RNF40: variants seen among roughly 807,000 people sequenced by gnomAD.
RNF40 encodes the protein E3 ubiquitin-protein ligase BRE1B.
In RNF40, 39 loss-of-function variants were observed where a neutral mutation model predicts 123.3. The observed-to-expected ratio is 0.32, with a 90% confidence interval of 0.24 to 0.41. RNF40 has a LOEUF of 0.41. Ranked by LOEUF, RNF40 falls within the 10% of genes least tolerant of loss-of-function variation. The probability of loss-of-function intolerance (pLI) is 1.00; values close to 1 mark genes in which losing one functional copy is unlikely to be tolerated. For missense variants in RNF40, 1,003 were observed against 1,319.9 expected, an observed-to-expected ratio of 0.76 and a Z score of 3.72; for synonymous variants, 538 against 526.0, an observed-to-expected ratio of 1.02 and a Z score of -0.31.
chr16:30,771,978 G>C lies in RNF40; in HGVS notation c.2727+5G>C. The C allele has an allele frequency of 6.3e-7, 1 of 1,589,944 alleles. No individual in the cohort carries two copies. The highest frequency in any genetic ancestry group is 8.6e-7 in the Non-Finnish European group (1 of 1,164,440). On this transcript the variant is annotated splice_donor_5th_base_variant and intron_variant, in intron 18 of 19. Coordinates refer to ENST00000324685, the MANE Select transcript of RNF40 (RefSeq NM_014771.4). ...TTCAACCTCAAGAGGGCTCAGGTGT[G>C]TGCAGGGGTGAGGGGCCAGGCCAGG...
At chr16:30,762,700 C>CCCT in intron 2 of RNF40, 23 bp downstream of exon 2, 2 of 1,609,108 alleles carry the variant, frequency 1.2e-6, no homozygotes, top group Non-Finnish European at 1.7e-6. Flanking sequence ...TTGCCTTAAC[C>CCCT]CTCAGAACTT....
chr16:30,771,799 G>A (rs1440411401), intron 17 of RNF40, 34 bp from the exon 18 acceptor site: 1 of 1,530,508 alleles, frequency 6.5e-7, no homozygotes, highest in Admixed American at 2.0e-5. Context: ...ACCAGGCTCA[G>A]ACCAGTGCCT....
intron 19 of RNF40, among the ~76,000 whole-genome samples, chr16:30,772,784 A>G (rs1288181043): frequency 6.6e-6 from 1 of 150,848 alleles, no homozygotes; most frequent in Non-Finnish European, 1.5e-5. Context: ...GGTTTTAAAC[A>G]GGAGAGTGAT....
Position 30,763,550 on chromosome 16 carries a change from G to A in RNF40, c.433G>A (p.Glu145Lys), listed in dbSNP as rs761879515. Reference protein sequence around the residue: ...GTPLPEPGTSELRDPLLMQLR... With the variant: ...GTPLPEPGTSKLRDPLLMQLR... ...TCCTCTCCCAGAGCCGGGGACATCA[G>A]AGCTGAGAGGTAGGACCAGAGTGCT... The change falls in exon 4 of 20, where the codon GAG becomes AAG. Residue 145 changes from glutamate (E) to lysine (K), a missense_variant. This residue lies in a region of RNF40 where 104 missense variants were observed against 85.2 expected (regional missense o/e 1.22). Transcript: ENST00000324685. 3 of 1,613,980 alleles carry A rather than the reference G, an allele frequency of 1.9e-6. No individual in the cohort carries two copies. The highest frequency in any genetic ancestry group is 2.5e-6 in the Non-Finnish European group (3 of 1,180,038).
chr16:30,770,057 G>A (rs548793686), intron 17 of RNF40, among the ~76,000 whole-genome samples: 3 of 150,842 alleles, frequency 2.0e-5, no homozygotes, highest in African/African-American at 4.9e-5. Context: ...AGCTATGATC[G>A]CACTGCACTG....
Position 30,768,710 on chromosome 16 carries a change from G to A in RNF40, c.2071G>A (p.Ala691Thr), listed in dbSNP as rs775642521. Reference sequence around the variant, plus strand: ...GCAGCGGGATAAGGTGCAGCTCATGGCAGCGGAACGCAAGGCTAAGGCCGA... The same window carrying A: ...GCAGCGGGATAAGGTGCAGCTCATGACAGCGGAACGCAAGGCTAAGGCCGA... ...KEQRDKVQLM[A>T]AERKAKAEVD... Residue 691 changes from alanine (A) to threonine (T), a missense_variant, in exon 14 of 20, where the codon GCA (alanine) becomes ACA (threonine). This residue lies in a region of RNF40 where 295 missense variants were observed against 331.7 expected (regional missense o/e 0.89). Transcript: ENST00000324685. This position sits in a 1 kb window ranked among gnomAD's most constrained non-coding sequence, Gnocchi z 4.1. 8 of 1,614,080 alleles carry A rather than the reference G, an allele frequency of 5.0e-6. No individual in the cohort carries two copies. The highest frequency in any genetic ancestry group is 1.1e-5 in the South Asian group (1 of 91,088).
chr16:30,775,711 C>A lies in RNF40; in HGVS notation c.*1597C>A. ...CAGGCGCCCCGGGCGGATCCTTCAC[C>A]GAGGCAGGACTGGGGCTGGCGCCAG... On this transcript the variant is annotated 3_prime_UTR_variant, in exon 20 of 20. Coordinates refer to ENST00000324685, the MANE Select transcript of RNF40 (RefSeq NM_014771.4). 6.6e-6 allele frequency: 1 copy of A among 152,648 alleles called. No individual in the cohort carries two copies. The allele number at this position is 152,648 out of a possible 1,614,324, so 9.5% of individuals were successfully genotyped here.
rs1273839282 is a variant in RNF40 at position 30,776,008 on chromosome 16, G to C, written c.*1894G>C. 1 of 152,220 alleles carries C rather than the reference G, an allele frequency of 6.6e-6. No homozygotes were observed. The highest frequency in any genetic ancestry group is 1.5e-5 in the Non-Finnish European group (1 of 68,058). 9.4% of individuals were successfully genotyped at this position (152,220 alleles called of 1,614,324 possible). ...CCGCAGAGAAAGTGCCGATGGCCTG[G>C]GGCAGCGGTGCGAGGGTGGGAAAAA... is the stretch of plus-strand genomic sequence containing the variant. On this transcript the variant is annotated 3_prime_UTR_variant, in exon 20 of 20. Transcript: ENST00000324685.
In RNF40 at chr16:30,769,446, A is replaced by G. The variant is rs1439078287; in HGVS notation, c.2461-29A>G. 19 of 1,614,014 alleles carry G rather than the reference A, an allele frequency of 1.2e-5. No individual in the cohort carries two copies. The East Asian group carries it at 4.0e-4, about 34-fold the overall frequency. On this transcript the variant is annotated intron_variant, in intron 16 of 19. Coordinates refer to ENST00000324685, the MANE Select transcript of RNF40 (RefSeq NM_014771.4). The stretch of plus-strand genomic sequence containing the variant: ...GACTGGAGCTGGAGAGGTGGGGGTC[A>G]TGGCCCTGAGTCCTCCTCTGGTCCT...
intron 19 of RNF40, among the ~76,000 whole-genome samples, chr16:30,772,723 G>A (rs1438188309): frequency 6.6e-6 from 1 of 152,230 alleles, no homozygotes; most frequent in Non-Finnish European, 1.5e-5. Context: ...TGGAGAGGTT[G>A]GGCCGTGTCA....
Position 30,776,297 on chromosome 16 carries a change from C to T in RNF40, c.*2183C>T, listed in dbSNP as rs2054234927. ...GGTCTTCATACCTAATAAAAGTCGGCATCAAACCACTTTTTCAAGGTCAAG... is the reference window on the plus strand; with the variant it reads ...GGTCTTCATACCTAATAAAAGTCGGTATCAAACCACTTTTTCAAGGTCAAG... On this transcript the variant is annotated 3_prime_UTR_variant, in exon 20 of 20. Coordinates refer to ENST00000324685, the MANE Select transcript of RNF40 (RefSeq NM_014771.4). The T allele has an allele frequency of 6.6e-6, 1 of 151,948 alleles. No individual in the cohort carries two copies. The highest frequency in any genetic ancestry group is 1.5e-5 in the Non-Finnish European group (1 of 68,014). The allele number at this position is 151,948 out of a possible 1,614,324, so 9.4% of individuals were successfully genotyped here. A position where few individuals can be genotyped will look rare whatever the true frequency, so the allele number is the denominator to read the frequency against.
In RNF40 at chr16:30,766,306, G is replaced by C. The variant is rs2054030461; in HGVS notation, c.1113+24G>C. 1 of 1,613,930 alleles carries C rather than the reference G, an allele frequency of 6.2e-7. No individual in the cohort carries two copies. The highest frequency in any genetic ancestry group is 1.3e-5 in the African/African-American group (1 of 74,932). ...AGGTGGGCTGCTGTAGGGGCTGAGA[G>C]GTCCTGGGCCTGTAAGGGAGGGACT... On this transcript the variant is annotated intron_variant, in intron 9 of 19. Transcript: ENST00000324685. This position sits in a 1 kb window ranked among gnomAD's most constrained non-coding sequence, Gnocchi z 5.4.
Position 30,765,324 on chromosome 16 carries a change from G to A in RNF40, c.915G>A (p.Glu305=). 3 of 1,614,236 alleles carry A rather than the reference G, an allele frequency of 1.9e-6. No individual in the cohort carries two copies. Among genetic ancestry groups the A allele is most frequent in the Non-Finnish European group, 1.7e-6 (2 of 1,180,042 alleles). Reference sequence around the variant, plus strand: ...ATAAGCACCTGGCAGAGGCCTTAGAGCAGGTGGGGCAGGGGTGCTGGGGCA... The same window carrying A: ...ATAAGCACCTGGCAGAGGCCTTAGAACAGGTGGGGCAGGGGTGCTGGGGCA... ...KLNKHLAEAL[E]QLNSGYYVSG... is the part of the protein sequence containing the mutation. Residue 305 remains glutamate, a synonymous_variant, in exon 7 of 20, where the codon GAG becomes GAA. Coordinates refer to ENST00000324685, the MANE Select transcript of RNF40 (RefSeq NM_014771.4).
chr16:30,767,129 G>A (rs545175575), intron 11 of RNF40, among the ~76,000 whole-genome samples: 11 of 152,302 alleles, frequency 7.2e-5, no homozygotes, highest in African/African-American at 2.2e-4. Context: ...GTCTGATGAC[G>A]TCTCTGTCTC....
At position 30,776,019 on chromosome 16, in the gene RNF40, C is replaced by G. The variant is rs201312074; in HGVS notation, c.*1905C>G. On this transcript the variant is annotated 3_prime_UTR_variant, in exon 20 of 20. Coordinates refer to ENST00000324685, the MANE Select transcript of RNF40 (RefSeq NM_014771.4). ...GTGCCGATGGCCTGGGGCAGCGGTG[C>G]GAGGGTGGGAAAAACGCAGGATATT... 6.6e-6 allele frequency: 1 copy of G among 152,172 alleles called. No individual in the cohort carries two copies. Among genetic ancestry groups the G allele is most frequent in the Admixed American group, 6.5e-5 (1 of 15,284 alleles). The allele number at this position is 152,172 out of a possible 1,614,324, so 9.4% of individuals were successfully genotyped here.
upstream of RNF40, chr16:30,762,230 T>C: frequency 2.7e-6 from 1 of 374,918 alleles, no homozygotes; most frequent in Non-Finnish European, 4.8e-6. Context: ...ATAAAGAAGT[T>C]TCCTCACATC....
chr16:30,769,275 G>A lies in RNF40; in HGVS notation c.2337G>A (p.Leu779=). The change falls in exon 16 of 20, where the codon TTG becomes TTA. Residue 779 remains leucine, a synonymous_variant. Coordinates refer to ENST00000324685, the MANE Select transcript of RNF40 (RefSeq NM_014771.4). ...QEQNGRLLQQ[L]REKDDANFKL... ...AGAACGGGCGGCTGCTACAGCAGTT[G>A]CGGGAAAAGGATGATGCCAACTTTA... 6.2e-7 allele frequency: 1 copy of A among 1,614,248 alleles called. No individual in the cohort carries two copies. Among genetic ancestry groups the A allele is most frequent in the Non-Finnish European group, 8.5e-7 (1 of 1,180,044 alleles).
At chr16:30,763,644 A>G in intron 4 of RNF40, 85 bp downstream of exon 4, 1 of 1,414,604 alleles carries the variant, frequency 7.1e-7, no homozygotes, top group South Asian at 1.2e-5. Flanking sequence ...GGGCCCCTGA[A>G]TTGCCTATCT....
Position 30,764,312 on chromosome 16 carries a change from G to A in RNF40, c.576G>A (p.Val192=). ...QGRMEFSKAA[V]SRVVEASDRL... ...GAATGGAGTTCTCCAAGGCAGCTGT[G>A]TCTCGTGTGGTAGAGGCCTCAGACC... The change falls in exon 5 of 20, where the codon GTG becomes GTA. Residue 192 remains valine (V), a synonymous_variant. Transcript: ENST00000324685. 1 of 1,614,000 alleles carries A rather than the reference G, an allele frequency of 6.2e-7. No individual in the cohort carries two copies. Among genetic ancestry groups the A allele is most frequent in the Non-Finnish European group, 8.5e-7 (1 of 1,179,988 alleles).
Sources: gnomAD v4.1 joint callset for allele counts (sites outside exome capture counted in the v4.1 genomes callset) on GRCh38, gnomAD v4.1.1 for gene constraint, gnomAD v4.1.1 regional missense constraint, Gnocchi (gnomAD v3.1) non-coding constraint, MANE v1.5 for transcripts, NCBI Gene and HGNC (gene_info 2026-07-23, HGNC 2026-07-21) for gene names.